The following FARS2 variants were observed in gnomAD, a reference collection of about 807,000 sequenced individuals.
FARS2 encodes the protein phenylalanine--tRNA ligase, mitochondrial.
In FARS2, 40 loss-of-function variants were observed where a neutral mutation model predicts 46.4. That is an observed-to-expected ratio of 0.86 (90% CI 0.67 to 1.12). The LOEUF (loss-of-function observed/expected upper bound fraction) is 1.12. Among genes scored for constraint, FARS2 ranks in the 50% most tolerant of loss-of-function variants. The probability of loss-of-function intolerance (pLI) is 0.00; values close to 1 mark genes in which losing one functional copy is unlikely to be tolerated. For synonymous variants in FARS2, 234 were observed against 214.9 expected, an observed-to-expected ratio of 1.09 and a Z score of -0.78; for missense variants, 513 against 567.9, an observed-to-expected ratio of 0.90 and a Z score of 0.98.
intron 2 of FARS2, among the ~76,000 whole-genome samples, chr6:5,370,931 G>A (rs1561992140): frequency 6.6e-6 from 1 of 152,038 alleles, no homozygotes; most frequent in South Asian, 2.1e-4. Context: ...TCATTGCTTC[G>A]TTTACTCCTC....
At chr6:5,382,522 C>G (rs1369600669) in intron 2 of FARS2, among the ~76,000 whole-genome samples, 1 of 152,124 alleles carries the variant, frequency 6.6e-6, no homozygotes, top group Admixed American at 6.5e-5. Context: ...TCTATCATGT[C>G]AATTTACACA....
intron 6 of FARS2, among the ~76,000 whole-genome samples, chr6:5,684,089 C>T (rs897837996): frequency 1.3e-5 from 2 of 152,134 alleles, no homozygotes; most frequent in African/African-American, 2.4e-5. Flanking sequence ...TTATAACTTT[C>T]CCCCTCAGAA....
At chr6:5,625,543 G>A (rs1441501996) in intron 6 of FARS2, among the ~76,000 whole-genome samples, 3 of 152,200 alleles carry the variant, frequency 2.0e-5, no homozygotes, top group Non-Finnish European at 2.9e-5. Context: ...ATGTCTGCCA[G>A]GGGTCCTAAT....
chr6:5,286,477 G>C (rs545900779), intron 1 of FARS2, among the ~76,000 whole-genome samples: 1 of 152,254 alleles, frequency 6.6e-6, no homozygotes, highest in Admixed American at 6.5e-5. Flanking sequence ...TGCCCAGACT[G>C]TTAACTCCTG....
At chr6:5,308,333 C>T (rs1023999113) in intron 1 of FARS2, among the ~76,000 whole-genome samples, 1 of 152,128 alleles carries the variant, frequency 6.6e-6, no homozygotes, top group African/African-American at 2.4e-5. Context: ...GTTTGAGTTG[C>T]AGGCATGTGA....
upstream of FARS2, among the ~76,000 whole-genome samples, chr6:5,258,682 G>C (rs1764793994): frequency 6.6e-6 from 1 of 152,146 alleles, no homozygotes; most frequent in African/African-American, 2.4e-5. Flanking sequence ...TATGATCTCA[G>C]GTAACAGTAT....
At position 5,731,929 on chromosome 6, in the gene FARS2, C is replaced by T. The variant is rs781217456; in HGVS notation, c.1218-39362C>T. 4.6e-5 allele frequency among the ~76,000 whole-genome samples: 7 copies of T among 152,184 alleles called. No individual in the cohort carries two copies. In the South Asian group the frequency reaches 1.5e-3, roughly 32 times the overall value. On this transcript the variant is annotated intron_variant, in intron 6 of 6. Coordinates refer to ENST00000274680, the MANE Select transcript of FARS2 (RefSeq NM_006567.5). ...TGGGCCTGGCTGTATGAGACTCTCA[C>T]GCAGCCCGAGCTAGGAGAGCCTCCC...
At chr6:5,690,593 G>C (rs9405279) in intron 6 of FARS2, among the ~76,000 whole-genome samples, 66,294 of 148,664 alleles carry the variant, frequency 0.45, 14,748 homozygotes, top group Non-Finnish European at 0.49. Context: ...GCTTCCCTTT[G>C]TGGGTAACCC....
intron 1 of FARS2, among the ~76,000 whole-genome samples, chr6:5,341,227 ATATATATATTTTTTTTTT>A (rs1771605096): frequency 8.6e-4 from 4 of 4,650 alleles, no homozygotes; most frequent in African/African-American, 3.8e-3. Context: ...ATATATATAT[ATATATATATTTTTTTTTT>A]TTTTTTTTTT....
chr6:5,569,189 G>A (rs1016431612), intron 5 of FARS2, among the ~76,000 whole-genome samples: 8 of 151,986 alleles, frequency 5.3e-5, no homozygotes, highest in Non-Finnish European at 1.2e-4. Context: ...AACAGGTCTG[G>A]AGAAGAAGAT....
At chr6:5,522,618 A>G (rs1582344562) in intron 4 of FARS2, among the ~76,000 whole-genome samples, 2 of 152,226 alleles carry the variant, frequency 1.3e-5, no homozygotes, top group Admixed American at 1.3e-4. Flanking sequence ...CGCTATTCCA[A>G]TGTCCTTTTA....
At chr6:5,760,314 C>T (rs540700729) in intron 6 of FARS2, among the ~76,000 whole-genome samples, 1 of 152,204 alleles carries the variant, frequency 6.6e-6, no homozygotes, top group Non-Finnish European at 1.5e-5. Flanking sequence ...ATAGGTGGCT[C>T]TTAATACCAT....
intron 4 of FARS2, among the ~76,000 whole-genome samples, chr6:5,524,008 C>T (rs955639265): frequency 1.3e-5 from 2 of 151,516 alleles, no homozygotes; most frequent in East Asian, 3.9e-4. Context: ...TAGTTTTTAC[C>T]AATACAGCAT....
chr6:5,754,909 T>TAATA (rs1203547683), intron 6 of FARS2, among the ~76,000 whole-genome samples: 1 of 152,256 alleles, frequency 6.6e-6, no homozygotes, highest in Non-Finnish European at 1.5e-5. Flanking sequence ...CAGGACTTAT[T>TAATA]ATGTTTCCTG....
intron 1 of FARS2, among the ~76,000 whole-genome samples, chr6:5,277,154 A>G (rs2127843500): frequency 6.6e-6 from 1 of 152,010 alleles, no homozygotes; most frequent in Admixed American, 6.5e-5. Flanking sequence ...GTGCAGCGTC[A>G]TGTCACACAA....
intron 4 of FARS2, among the ~76,000 whole-genome samples, chr6:5,446,181 C>T (rs1193439569): frequency 1.4e-5 from 2 of 147,846 alleles, no homozygotes; most frequent in African/African-American, 2.5e-5. Context: ...CCAGCCTGGG[C>T]GACAGAGTGA....
intron 4 of FARS2, among the ~76,000 whole-genome samples, chr6:5,526,863 C>G (rs186375624): frequency 6.6e-6 from 1 of 152,054 alleles, no homozygotes; most frequent in Non-Finnish European, 1.5e-5. Flanking sequence ...ATGATCCGCC[C>G]GCCTCAGCCT....
chr6:5,714,031 C>T (rs1759342464), intron 6 of FARS2, among the ~76,000 whole-genome samples: 1 of 151,950 alleles, frequency 6.6e-6, no homozygotes, highest in East Asian at 1.9e-4. Flanking sequence ...ATGCTGCAGC[C>T]CTGTGCAGAG....
intron 5 of FARS2, among the ~76,000 whole-genome samples, chr6:5,576,612 TAAA>T (rs1772991139): frequency 6.8e-6 from 1 of 147,800 alleles, no homozygotes; most frequent in Admixed American, 6.8e-5. Flanking sequence ...ATTATATATA[TAAA>T]GTATATATCA....
Sources: allele counts gnomAD v4.1 joint callset (sites outside exome capture counted in the v4.1 genomes callset), GRCh38; gene constraint gnomAD v4.1.1; transcripts MANE v1.5; gene names NCBI Gene and HGNC (gene_info 2026-07-23, HGNC 2026-07-21).